The following WDR36 variants were observed in gnomAD, a reference collection of about 807,000 sequenced individuals.
The protein encoded by WDR36 is WD repeat-containing protein 36.
Under a neutral mutation model 112.7 loss-of-function variants are expected in WDR36, and 63 were observed. The observed-to-expected ratio is 0.56, with a 90% CI of 0.46 to 0.69. The LOEUF (loss-of-function observed/expected upper bound fraction) is 0.69, where lower values mean the gene tolerates loss of function less well. Ranked by LOEUF, WDR36 falls within the 30% of genes least tolerant of loss-of-function variation. The probability of loss-of-function intolerance (pLI) is 0.00; values close to 1 mark genes in which losing one functional copy is unlikely to be tolerated. For synonymous variants in WDR36, 410 were observed against 362.2 expected (o/e 1.13, Z -1.50); for missense variants, 1,226 against 1,070.3 (o/e 1.15, Z -2.03).
At chr5:111,121,524 C>T (rs900961013) in intron 19 of WDR36, among the ~76,000 whole-genome samples, 2 of 152,052 alleles carry the variant, frequency 1.3e-5, no homozygotes, top group African/African-American at 4.8e-5. Context: ...AGAGAAATTC[C>T]ACTAGACTTT....
At chr5:111,121,774 TC>T (rs1170326011) in intron 19 of WDR36, among the ~76,000 whole-genome samples, 1 of 152,094 alleles carries the variant, frequency 6.6e-6, no homozygotes, top group Non-Finnish European at 1.5e-5. Context: ...TGTTTTATGA[TC>T]CCCCACTAGT....
At chr5:111,117,051 C>T (rs984704921) in intron 16 of WDR36, among the ~76,000 whole-genome samples, 17 of 152,172 alleles carry the variant, frequency 1.1e-4, no homozygotes, top group Non-Finnish European at 1.9e-4. Context: ...AATGACTTAA[C>T]ATAAATAATT....
chr5:111,106,203 T>C, intron 11 of WDR36, 60 bp downstream of exon 11: 1 of 1,398,792 alleles, frequency 7.1e-7, no homozygotes, highest in Admixed American at 1.7e-5. Context: ...TCCTACTGTA[T>C]GCTGTTTTAT....
chr5:111,111,329 G>T lies in WDR36; in HGVS notation c.1716+51G>T, dbSNP rs758264092. The T allele has an allele frequency of 4.1e-6, 6 of 1,447,868 alleles. No homozygotes were observed. The African/African-American group carries it at 8.4e-5, about 20-fold the overall frequency. The allele number at this position is 1,447,868 out of a possible 1,614,324, so 89.7% of individuals were successfully genotyped here. A position where few individuals can be genotyped will look rare whatever the true frequency, so the allele number is the denominator to read the frequency against. On this transcript the variant is annotated intron_variant, in intron 15 of 22. Transcript: ENST00000513710. ...CTTGACTCATTTCTACTTTTGTTTG[G>T]GTGTGTTATCCTTTAATAGCCTTAA...
rs575955730 is a variant in WDR36, at chr5:111,099,475, T to G, written c.409+636T>G. The stretch of plus-strand genomic sequence containing the variant: ...TGTTTTTTTTTTTGTTTTTTTTTTT[T>G]TTTTTTTTTCAGTAAATATCCTGAA... On this transcript the variant is annotated intron_variant, in intron 4 of 22. Transcript: ENST00000513710. Among the ~76,000 whole-genome samples the G allele has an allele frequency of 5.3e-3, 716 of 136,252 alleles. 3 individuals carry two copies. The highest frequency in any genetic ancestry group is 0.01 in the African/African-American group (371 of 36,580). The allele number at this position is 136,252 out of a possible 152,430, so 89.4% of individuals were successfully genotyped here.
chr5:111,122,444 T>C (rs1225750081), intron 19 of WDR36, among the ~76,000 whole-genome samples: 1 of 152,244 alleles, frequency 6.6e-6, no homozygotes, highest in Non-Finnish European at 1.5e-5. Flanking sequence ...GACTATAGTT[T>C]ACATTTGTCC....
At position 111,126,947 on chromosome 5, in the gene WDR36, T is replaced by C; in HGVS notation, c.*64T>C. The C allele has an allele frequency of 7.0e-7, 1 of 1,438,210 alleles. No individual in the cohort carries two copies. Among genetic ancestry groups the C allele is most frequent in the Non-Finnish European group, 9.4e-7 (1 of 1,067,058 alleles). The allele number at this position is 1,438,210 out of a possible 1,614,324, so 89.1% of individuals were successfully genotyped here. A position where few individuals can be genotyped will look rare whatever the true frequency, so the allele number is the denominator to read the frequency against. ...TGGGTTCAATTGAACTCATTTCTTA[T>C]TTTCCAAGTGTCAATGTGAAAAGAA... On this transcript the variant is annotated 3_prime_UTR_variant, in exon 23 of 23. Coordinates refer to ENST00000513710, the MANE Select transcript of WDR36 (RefSeq NM_139281.3).
rs190296443 is a variant in WDR36, at chr5:111,116,880, A to T, written c.1797-2133A>T. ...TCAAGCAGTAAGCTTTTTAACAGATAGTACCTAAACATGTTAGGAAGTTTT... is the reference window on the plus strand; with the variant it reads ...TCAAGCAGTAAGCTTTTTAACAGATTGTACCTAAACATGTTAGGAAGTTTT... On this transcript the variant is annotated intron_variant, in intron 16 of 22. Transcript: ENST00000513710. Among the ~76,000 whole-genome samples, 226 of 152,346 alleles carry T rather than the reference A, an allele frequency of 1.5e-3. 3 individuals are homozygous for T. In the Middle Eastern group the frequency reaches 0.024, roughly 16 times the overall value.
At chr5:111,113,340 A>T (rs1230164542) in intron 16 of WDR36, among the ~76,000 whole-genome samples, 187 bp downstream of exon 16, 8 of 152,100 alleles carry the variant, frequency 5.3e-5, no homozygotes, top group African/African-American at 1.9e-4. Context: ...TAGTAGTGTC[A>T]TGAAACATAA....
At chr5:111,100,027 G>A (rs953528514) in intron 4 of WDR36, among the ~76,000 whole-genome samples, 9 of 151,734 alleles carry the variant, frequency 5.9e-5, no homozygotes, top group Admixed American at 2.6e-4. Context: ...GTGACCACTG[G>A]TGATGCCACC....
Position 111,129,293 on chromosome 5 carries a change from T to C in WDR36, c.*2410T>C, listed in dbSNP as rs1753738019. On this transcript the variant is annotated 3_prime_UTR_variant, in exon 23 of 23. Coordinates refer to ENST00000513710, the MANE Select transcript of WDR36 (RefSeq NM_139281.3). ...TGAATTTCAGGCCAGAGTATAACCA[T>C]TTTTAATTTGAAGAGATACTTCCAT... The C allele has an allele frequency of 1.0e-5, 2 of 195,934 alleles. No individual in the cohort carries two copies. The highest frequency in any genetic ancestry group is 1.6e-4 in the East Asian group (2 of 12,464). The allele number at this position is 195,934 out of a possible 1,614,324, so 12.1% of individuals were successfully genotyped here. A position where few individuals can be genotyped will look rare whatever the true frequency, so the allele number is the denominator to read the frequency against.
intron 6 of WDR36, 117 bp from the exon 7 acceptor site, chr5:111,103,669 T>A: frequency 1.5e-6 from 2 of 1,333,742 alleles, no homozygotes; most frequent in Non-Finnish European, 2.1e-6. Context: ...TTTTCTGCCA[T>A]CTTTTAGAAG....
intron 16 of WDR36, among the ~76,000 whole-genome samples, chr5:111,116,332 C>T (rs903793328): frequency 2.0e-5 from 3 of 152,176 alleles, no homozygotes; most frequent in African/African-American, 7.2e-5. Flanking sequence ...TCACCCCACC[C>T]CTACTTCCTG....
chr5:111,125,548 T>C, intron 21 of WDR36, 60 bp from the exon 22 acceptor site: 1 of 1,524,262 alleles, frequency 6.6e-7, no homozygotes, highest in Non-Finnish European at 8.9e-7. Flanking sequence ...AAAGGAAAAC[T>C]GTAATTTTCT....
chr5:111,092,606 C>G lies in WDR36; in HGVS notation c.150C>G (p.Phe50Leu), dbSNP rs1752889746. Residue 50 changes from phenylalanine (F) to leucine (L), a missense_variant, in exon 1 of 23, where the codon TTC becomes TTG. Phe to Leu is a conservative substitution (Grantham distance 22, BLOSUM62 0). Transcript: ENST00000513710. ...FYVTTCVGKS[F>L]HTYDVQKLSL... ...TAACAACCTGCGTGGGCAAGAGTTTCCACACCTATGACGTGAGTGACTTCT... is the reference window on the plus strand; with the variant it reads ...TAACAACCTGCGTGGGCAAGAGTTTGCACACCTATGACGTGAGTGACTTCT... 1 of 1,613,468 alleles carries G rather than the reference C, an allele frequency of 6.2e-7. No homozygotes were observed. Among genetic ancestry groups the G allele is most frequent in the Non-Finnish European group, 8.5e-7 (1 of 1,179,948 alleles).
intron 10 of WDR36, among the ~76,000 whole-genome samples, 167 bp from the exon 11 acceptor site, chr5:111,105,890 T>A (rs1208316209): frequency 6.6e-6 from 1 of 151,600 alleles, no homozygotes; most frequent in Non-Finnish European, 1.5e-5. Context: ...AAATAACTTT[T>A]CTTAGAATTA....
intron 12 of WDR36, 147 bp downstream of exon 12, chr5:111,107,586 T>A: frequency 1.0e-6 from 1 of 996,234 alleles, no homozygotes; most frequent in East Asian, 2.6e-5. Flanking sequence ...CACAAAAATT[T>A]GCTCCTGTGA....
At chr5:111,111,015 A>C in intron 14 of WDR36, 62 bp downstream of exon 14, 1 of 1,594,546 alleles carries the variant, frequency 6.3e-7, no homozygotes. Flanking sequence ...ATAAAGTCAC[A>C]ATTTACCAAG....
intron 2 of WDR36, among the ~76,000 whole-genome samples, chr5:111,096,441 C>T (rs1379252626): frequency 2.0e-5 from 3 of 152,166 alleles, no homozygotes; most frequent in African/African-American, 7.2e-5. Flanking sequence ...ATGTGGCTCA[C>T]GCCTGTAATC....
Sources: allele counts gnomAD v4.1 joint callset (sites outside exome capture counted in the v4.1 genomes callset), GRCh38; gene constraint gnomAD v4.1.1; transcripts MANE v1.5; gene names NCBI Gene and HGNC (gene_info 2026-07-23, HGNC 2026-07-21).